CNIH3: variants seen among roughly 807,000 people sequenced by gnomAD.
The protein encoded by CNIH3 is protein cornichon homolog 3.
A neutral mutation model predicts 24.1 loss-of-function variants in CNIH3; 14 were observed. That is an observed-to-expected ratio of 0.58 (90% confidence interval 0.38 to 0.91). The LOEUF is 0.91. Among genes scored for constraint, CNIH3 ranks in the 40% least tolerant of loss-of-function variants. The pLI, the probability that CNIH3 is intolerant of heterozygous loss-of-function variation, is 0.00. For synonymous variants in CNIH3, 68 were observed against 73.8 expected (o/e 0.92, Z 0.40); for missense variants, 178 against 196.8 (o/e 0.90, Z 0.57).
chr1:224,574,228 T>C (rs1680940273), intron 4 of CNIH3, among the ~76,000 whole-genome samples: 1 of 152,190 alleles, frequency 6.6e-6, no homozygotes, highest in South Asian at 2.1e-4. Context: ...CTGCTTCACG[T>C]CAGGTACCTA....
At chr1:224,676,259 A>G (rs1173446598) in intron 1 of CNIH3, among the ~76,000 whole-genome samples, 1 of 152,228 alleles carries the variant, frequency 6.6e-6, no homozygotes, top group African/African-American at 2.4e-5. Context: ...AGAAGCCTAC[A>G]TACTGCGTGA....
chr1:224,591,819 G>T (rs1272234251), downstream of CNIH3, among the ~76,000 whole-genome samples: 1 of 152,134 alleles, frequency 6.6e-6, no homozygotes, highest in Admixed American at 6.5e-5. Flanking sequence ...GTATGACCTT[G>T]GTGCCTGATC....
chr1:224,630,041 A>G lies in CNIH3; in HGVS notation c.81+12786A>G, dbSNP rs557631025. ...TGGGCTTTGCCAGGGAGTTTGCCTC[A>G]TGATTACAGTTGTTTCTTCCAGAGG... On this transcript the variant is annotated intron_variant, in intron 1 of 5. Transcript: ENST00000272133. Among the ~76,000 whole-genome samples, 467 of 152,130 alleles carry G rather than the reference A, an allele frequency of 3.1e-3. 1 individual carries two copies. The highest frequency in any genetic ancestry group is 0.014 in the Middle Eastern group (4 of 294).
At chr1:224,592,574 C>T (rs1367334470), downstream of CNIH3, among the ~76,000 whole-genome samples, 2 of 152,190 alleles carry the variant, frequency 1.3e-5, no homozygotes, top group African/African-American at 4.8e-5. Flanking sequence ...ATATATTTCA[C>T]ATCTGACGGG....
upstream of CNIH3, among the ~76,000 whole-genome samples, chr1:224,511,952 G>A (rs1270478865): frequency 1.3e-5 from 2 of 151,264 alleles, no homozygotes; most frequent in Non-Finnish European, 1.5e-5. Flanking sequence ...GAGGCGGGTG[G>A]ATCACCTGAG....
rs1177849036 is a variant in CNIH3, at chr1:224,458,882, C to A, written n.203+24020C>A. 6.6e-6 allele frequency among the ~76,000 whole-genome samples: 1 copy of A among 152,118 alleles called. No homozygotes were observed. The highest frequency in any genetic ancestry group is 1.5e-5 in the Non-Finnish European group (1 of 68,026). ...GCCCTGCTTGCACTTCTAATACAGT[C>A]CCGGAAAGACGGGGCCAGAACTTAG... On this transcript the variant is annotated intron_variant and non_coding_transcript_variant, in intron 1 of 5. Transcript: ENST00000471578. This position sits in a 1 kb window ranked among gnomAD's most constrained non-coding sequence, Gnocchi z 4.3.
intron 2 of CNIH3, among the ~76,000 whole-genome samples, chr1:224,530,540 A>C (rs966249629): frequency 6.6e-6 from 1 of 152,184 alleles, no homozygotes; most frequent in African/African-American, 2.4e-5. Flanking sequence ...AGACACATCC[A>C]AAACTACACA....
At chr1:224,662,747 T>C (rs751899922) in intron 1 of CNIH3, among the ~76,000 whole-genome samples, 1 of 152,162 alleles carries the variant, frequency 6.6e-6, no homozygotes, top group Non-Finnish European at 1.5e-5. Context: ...CAGACACATA[T>C]GTACACATAT....
chr1:224,718,841 CGGG>C, intron 3 of CNIH3: 1 of 152,242 alleles, frequency 6.6e-6, no homozygotes, highest in East Asian at 1.9e-4. Context: ...CATTCTGCAG[CGGG>C]ATCCCTCTCC....
intron 1 of CNIH3, among the ~76,000 whole-genome samples, chr1:224,449,974 C>T (rs771723642): frequency 4.6e-5 from 7 of 151,804 alleles, no homozygotes; most frequent in East Asian, 1.9e-4. Context: ...CACACACACA[C>T]GTATATATAC....
At chr1:224,471,396 A>G (rs1558088561) in intron 1 of CNIH3, among the ~76,000 whole-genome samples, 2 of 150,362 alleles carry the variant, frequency 1.3e-5, no homozygotes, top group Non-Finnish European at 3.0e-5. Context: ...CTTCCTCCCC[A>G]CTCCCCCACT....
At chr1:224,727,835 C>T (rs1689115175) in intron 3 of CNIH3, among the ~76,000 whole-genome samples, 1 of 152,090 alleles carries the variant, frequency 6.6e-6, no homozygotes, top group Admixed American at 6.6e-5. Context: ...GTTCAGTGTT[C>T]TAGGCATAAG....
chr1:224,456,027 T>G (rs1034109073), intron 1 of CNIH3, among the ~76,000 whole-genome samples: 1 of 152,214 alleles, frequency 6.6e-6, no homozygotes, highest in African/African-American at 2.4e-5. Context: ...GTGACTAAAG[T>G]AATTACTGTT....
chr1:224,544,393 T>C (rs114298555), intron 2 of CNIH3, among the ~76,000 whole-genome samples: 2,566 of 152,306 alleles, frequency 0.017, 62 homozygotes, highest in African/African-American at 0.054. Context: ...GAGGTCATCA[T>C]CTCATGCACG....
At chr1:224,640,002 T>C (rs1684279870) in intron 1 of CNIH3, among the ~76,000 whole-genome samples, 1 of 152,222 alleles carries the variant, frequency 6.6e-6, no homozygotes, top group African/African-American at 2.4e-5. Context: ...CCCCTGCCTT[T>C]AAAAACTCTT....
chr1:224,520,253 C>A (rs1678571816), intron 1 of CNIH3, among the ~76,000 whole-genome samples: 1 of 152,198 alleles, frequency 6.6e-6, no homozygotes, highest in South Asian at 2.1e-4. Flanking sequence ...CAACATCTCT[C>A]AAGCCTTACA....
intron 1 of CNIH3, among the ~76,000 whole-genome samples, chr1:224,488,124 A>G (rs971341798): frequency 6.6e-6 from 1 of 151,816 alleles, no homozygotes; most frequent in Non-Finnish European, 1.5e-5. Flanking sequence ...GTATGATATG[A>G]TACGAGCTAC....
At chr1:224,626,277 G>T (rs960106314) in intron 1 of CNIH3, among the ~76,000 whole-genome samples, 2 of 152,224 alleles carry the variant, frequency 1.3e-5, no homozygotes, top group African/African-American at 4.8e-5. Context: ...AACAGGGTTA[G>T]CTGAGGGTTG....
chr1:224,552,347 A>T, intron 3 of CNIH3, among the ~76,000 whole-genome samples: 1 of 151,714 alleles, frequency 6.6e-6, no homozygotes, highest in East Asian at 1.9e-4. Flanking sequence ...TAATCCTAAT[A>T]TCACAGGGTT....
Sources: gnomAD v4.1 joint callset for allele counts (sites outside exome capture counted in the v4.1 genomes callset) on GRCh38, gnomAD v4.1.1 for gene constraint, Gnocchi (gnomAD v3.1) non-coding constraint, MANE v1.5 for transcripts, NCBI Gene and HGNC (gene_info 2026-07-23, HGNC 2026-07-21) for gene names.